The following VGLL3 variants were observed in gnomAD, a reference collection of about 807,000 sequenced individuals.
The protein encoded by VGLL3 is transcription cofactor vestigial-like protein 3.
Under a neutral mutation model 29.2 loss-of-function variants are expected in VGLL3, and 18 were observed. The observed-to-expected ratio is 0.62, with a 90% confidence interval of 0.43 to 0.91. The LOEUF (loss-of-function observed/expected upper bound fraction) is 0.91. Among genes scored for constraint, VGLL3 ranks in the 40% least tolerant of loss-of-function variants. The pLI is 0.00. For synonymous variants in VGLL3, 180 were observed against 151.8 expected (o/e 1.19, Z -1.36); for missense variants, 440 against 413.2 (o/e 1.06, Z -0.56).
At position 86,939,404 on chromosome 3, in the gene VGLL3, A is replaced by C. The variant is rs1171910671; in HGVS notation, c.*7620T>G. On this transcript the variant is annotated 3_prime_UTR_variant, in exon 4 of 4. Coordinates refer to ENST00000398399, the MANE Select transcript of VGLL3 (RefSeq NM_016206.4). ...CACTTTGGGAGGCCAAGGCAGGCAG[A>C]TCACGAGGTCAGGAGACGGAGACCA... The C allele has an allele frequency of 2.0e-5, 3 of 152,354 alleles. No individual in the cohort carries two copies. Among genetic ancestry groups the C allele is most frequent in the African/African-American group, 7.2e-5 (3 of 41,468 alleles). 9.4% of individuals were successfully genotyped at this position (152,354 alleles called of 1,614,324 possible). A position where few individuals can be genotyped will look rare whatever the true frequency, so the allele number is the denominator to read the frequency against.
chr3:86,951,536 T>C (rs1436153485), intron 3 of VGLL3, among the ~76,000 whole-genome samples: 4 of 152,172 alleles, frequency 2.6e-5, no homozygotes, highest in Non-Finnish European at 5.9e-5. Flanking sequence ...GTGATTCAGA[T>C]CATAGCACTG....
At chr3:86,983,366 G>A (rs911180680) in intron 1 of VGLL3, among the ~76,000 whole-genome samples, 1 of 152,094 alleles carries the variant, frequency 6.6e-6, no homozygotes, top group Non-Finnish European at 1.5e-5. Flanking sequence ...ATTACTCTGT[G>A]ACCATATATA....
chr3:86,947,371 G>A (rs915187097), intron 3 of VGLL3, among the ~76,000 whole-genome samples: 1 of 152,050 alleles, frequency 6.6e-6, no homozygotes, highest in African/African-American at 2.4e-5. Context: ...TAGCAAAAAC[G>A]AAACATTTGT....
intron 3 of VGLL3, among the ~76,000 whole-genome samples, chr3:86,956,243 T>C (rs72916064): frequency 0.081 from 12,290 of 152,252 alleles, 1,312 homozygotes; most frequent in African/African-American, 0.24. Flanking sequence ...GAAAGTATTA[T>C]TTGCTGATAA....
At position 86,945,595 on chromosome 3, in the gene VGLL3, G is replaced by C. The variant is rs968452259; in HGVS notation, c.*1429C>G. On this transcript the variant is annotated 3_prime_UTR_variant, in exon 4 of 4. Transcript: ENST00000398399. ...TCATAATCTTAATCTTCTCCTAGCA[G>C]TGTCTTAATGATAATTTAAACTTTA... The C allele has an allele frequency of 1.3e-5, 2 of 152,114 alleles. No individual in the cohort carries two copies. Among genetic ancestry groups the C allele is most frequent in the Non-Finnish European group, 2.9e-5 (2 of 68,016 alleles). 9.4% of individuals were successfully genotyped at this position (152,114 alleles called of 1,614,324 possible). A position where few individuals can be genotyped will look rare whatever the true frequency, so the allele number is the denominator to read the frequency against.
At chr3:86,972,202 A>G (rs1226219669) in intron 2 of VGLL3, among the ~76,000 whole-genome samples, 1 of 152,232 alleles carries the variant, frequency 6.6e-6, no homozygotes, top group Non-Finnish European at 1.5e-5. Flanking sequence ...GTACTGTACC[A>G]TGATTAGTGA....
rs530813878 is a variant in VGLL3 at position 86,990,624 on chromosome 3, G to T, written c.120C>A (p.Gly40=). ...TGCCCGTCCGGTGACTCACCTGCTGGCCAGGTTGGGGCGCCGGCTGATAGT... is the reference window on the plus strand; with the variant it reads ...TGCCCGTCCGGTGACTCACCTGCTGTCCAGGTTGGGGCGCCGGCTGATAGT... ...TAYYQPAPQP[G]QQKKLAVFSK... Residue 40 remains glycine (G), a synonymous_variant, in exon 1 of 4, where the codon GGC becomes GGA. Coordinates refer to ENST00000398399, the MANE Select transcript of VGLL3 (RefSeq NM_016206.4). 4 of 1,359,270 alleles carry T rather than the reference G, an allele frequency of 2.9e-6. No individual in the cohort carries two copies. In the East Asian group the frequency reaches 1.1e-4, roughly 38 times the overall value. The allele number at this position is 1,359,270 out of a possible 1,614,324, so 84.2% of individuals were successfully genotyped here. A position where few individuals can be genotyped will look rare whatever the true frequency, so the allele number is the denominator to read the frequency against.
chr3:86,966,116 T>C (rs143164885), intron 3 of VGLL3, among the ~76,000 whole-genome samples: 10 of 152,210 alleles, frequency 6.6e-5, no homozygotes, highest in Non-Finnish European at 1.3e-4. Flanking sequence ...GATGGTGCAT[T>C]GTCCTCCTGC....
At chr3:86,953,108 G>A (rs976903233) in intron 3 of VGLL3, among the ~76,000 whole-genome samples, 2 of 151,954 alleles carry the variant, frequency 1.3e-5, no homozygotes, top group Admixed American at 6.6e-5. Context: ...ATATATAGGC[G>A]CTACATTTTA....
Position 86,940,847 on chromosome 3 carries a change from T to C in VGLL3, c.*6177A>G, listed in dbSNP as rs753556959. ...ATAAAGCCAAAAGTTTTATGAATTATACTTTTTTTATTAGTTAAAAATGAC... is the reference window on the plus strand; with the variant it reads ...ATAAAGCCAAAAGTTTTATGAATTACACTTTTTTTATTAGTTAAAAATGAC... On this transcript the variant is annotated 3_prime_UTR_variant, in exon 4 of 4. Coordinates refer to ENST00000398399, the MANE Select transcript of VGLL3 (RefSeq NM_016206.4). The C allele has an allele frequency of 1.1e-4, 16 of 152,322 alleles. No homozygotes were observed. Among genetic ancestry groups the C allele is most frequent in the Non-Finnish European group, 1.9e-4 (13 of 67,910 alleles). 9.4% of individuals were successfully genotyped at this position (152,322 alleles called of 1,614,324 possible). A position where few individuals can be genotyped will look rare whatever the true frequency, so the allele number is the denominator to read the frequency against.
chr3:86,941,200 T>C lies in VGLL3; in HGVS notation c.*5824A>G, dbSNP rs1704389915. On this transcript the variant is annotated 3_prime_UTR_variant, in exon 4 of 4. Transcript: ENST00000398399. ...TTTATCTCCTGAAAAAAAAAATGTA[T>C]GGAATAGTATTTTTAAATCAGATAT... 6.6e-6 allele frequency: 1 copy of C among 152,306 alleles called. No individual in the cohort carries two copies. The highest frequency in any genetic ancestry group is 1.9e-4 in the East Asian group (1 of 5,192). 9.4% of individuals were successfully genotyped at this position (152,306 alleles called of 1,614,324 possible).
At position 86,968,836 on chromosome 3, in the gene VGLL3, G is replaced by A. The variant is rs1705020614; in HGVS notation, c.691C>T (p.His231Tyr). Reference sequence around the variant, plus strand: ...CGGTGGTGCATGTGGGCATGAGGGTGGTGGTGCCGCATGTACACGTCATGC... The same window carrying A: ...CGGTGGTGCATGTGGGCATGAGGGTAGTGGTGCCGCATGTACACGTCATGC... ...HMHDVYMRHH[H>Y]PHAHMHHRHR... The change falls in exon 3 of 4, where the codon CAC (histidine) becomes TAC (tyrosine). Residue 231 changes from histidine to tyrosine, a missense_variant. Coordinates refer to ENST00000398399, the MANE Select transcript of VGLL3 (RefSeq NM_016206.4). The A allele has an allele frequency of 1.2e-6, 2 of 1,614,202 alleles. No individual in the cohort carries two copies. Among genetic ancestry groups the A allele is most frequent in the African/African-American group, 1.3e-5 (1 of 75,052 alleles).
intron 3 of VGLL3, among the ~76,000 whole-genome samples, chr3:86,950,685 C>T (rs1472566304): frequency 6.6e-6 from 1 of 152,096 alleles, no homozygotes; most frequent in Non-Finnish European, 1.5e-5. Context: ...ACATTTTTCC[C>T]AAGATGACAT....
intron 3 of VGLL3, among the ~76,000 whole-genome samples, chr3:86,959,933 G>A (rs561818573): frequency 3.8e-4 from 58 of 152,238 alleles, no homozygotes; most frequent in Middle Eastern, 3.4e-3. Context: ...GAATGGAAAA[G>A]TAAGAATTAA....
At chr3:86,972,035 G>A (rs770756180) in intron 2 of VGLL3, among the ~76,000 whole-genome samples, 3 of 152,116 alleles carry the variant, frequency 2.0e-5, no homozygotes, top group Non-Finnish European at 2.9e-5. Context: ...TCAAAAGTAC[G>A]GAGAGTATAT....
rs146167184 is a variant in VGLL3 at position 86,949,612 on chromosome 3, G to T, written c.938-2545C>A. Among the ~76,000 whole-genome samples, 579 of 152,044 alleles carry T rather than the reference G, an allele frequency of 3.8e-3. 3 individuals carry two copies. The highest frequency in any genetic ancestry group is 0.014 in the African/African-American group (564 of 41,498). ...GAAGCCGAGGCGGGCGGATCACGAG[G>T]TCAGGAGATCGAGACCATCCTGGCT... On this transcript the variant is annotated intron_variant, in intron 3 of 3. Coordinates refer to ENST00000398399, the MANE Select transcript of VGLL3 (RefSeq NM_016206.4).
At position 86,957,183 on chromosome 3, in the gene VGLL3, C is replaced by T. The variant is rs1041011807; in HGVS notation, c.938-10116G>A. 1.1e-3 allele frequency among the ~76,000 whole-genome samples: 168 copies of T among 152,152 alleles called. 3 individuals are homozygous for T. The highest frequency in any genetic ancestry group is 5.9e-5 in the Non-Finnish European group (4 of 68,030). Reference sequence around the variant, plus strand: ...AAATGTCTTGAAGATGTTAACCCCGCAATATTTTTATCTTCTTTTCCATTG... The same window carrying T: ...AAATGTCTTGAAGATGTTAACCCCGTAATATTTTTATCTTCTTTTCCATTG... On this transcript the variant is annotated intron_variant, in intron 3 of 3. Coordinates refer to ENST00000398399, the MANE Select transcript of VGLL3 (RefSeq NM_016206.4).
chr3:86,967,516 T>TCATGTCAC (rs1479923559), intron 3 of VGLL3, among the ~76,000 whole-genome samples: 2 of 152,184 alleles, frequency 1.3e-5, no homozygotes, highest in African/African-American at 2.4e-5. Context: ...AACGTTCCAC[T>TCATGTCAC]CATGTCACGG....
chr3:86,976,125 A>AT (rs1462832546), intron 2 of VGLL3, among the ~76,000 whole-genome samples: 1 of 152,014 alleles, frequency 6.6e-6, no homozygotes, highest in Non-Finnish European at 1.5e-5. Context: ...AAAAAAAAAA[A>AT]GTTCTAAAGC....
Sources: allele counts gnomAD v4.1 joint callset (sites outside exome capture counted in the v4.1 genomes callset), GRCh38; gene constraint gnomAD v4.1.1; transcripts MANE v1.5; gene names NCBI Gene and HGNC (gene_info 2026-07-23, HGNC 2026-07-21).